EIPR1: variants seen among roughly 807,000 people sequenced by gnomAD.
The protein encoded by EIPR1 is EARP and GARP complex-interacting protein 1.
A neutral mutation model predicts 48.1 loss-of-function variants in EIPR1; 25 were observed. The ratio of observed to expected loss-of-function variants is 0.52; its 90% CI spans 0.38 to 0.73. The LOEUF (loss-of-function observed/expected upper bound fraction) is 0.73. EIPR1 is among the 30% of genes least tolerant of loss of function. The probability of loss-of-function intolerance (pLI) is 0.00; values close to 1 mark genes in which losing one functional copy is unlikely to be tolerated. For synonymous variants in EIPR1, 204 were observed against 201.9 expected (o/e 1.01, Z -0.09); for missense variants, 415 against 506.2 (o/e 0.82, Z 1.73).
intron 4 of EIPR1, among the ~76,000 whole-genome samples, chr2:3,245,398 G>A (rs1359078260): frequency 6.6e-6 from 1 of 151,952 alleles, no homozygotes; most frequent in Non-Finnish European, 1.5e-5. Flanking sequence ...TTTTTAGTAG[G>A]GACAGGATTT....
At chr2:3,308,072 G>A (rs906483806) in intron 3 of EIPR1, among the ~76,000 whole-genome samples, 3 of 152,296 alleles carry the variant, frequency 2.0e-5, no homozygotes, top group African/African-American at 4.8e-5. Flanking sequence ...GCTGGCCGAC[G>A]CTGTCGGCCG....
intron 4 of EIPR1, among the ~76,000 whole-genome samples, chr2:3,256,330 G>A (rs191508338): frequency 1.3e-4 from 20 of 152,090 alleles, no homozygotes; most frequent in Admixed American, 9.8e-4. Flanking sequence ...GGGCCACAGC[G>A]TACAGTTCGT....
At chr2:3,196,455 C>T (rs925154777) in intron 6 of EIPR1, among the ~76,000 whole-genome samples, 1 of 152,116 alleles carries the variant, frequency 6.6e-6, no homozygotes, top group African/African-American at 2.4e-5. Flanking sequence ...AATATGATTG[C>T]CCTATAGGTG....
chr2:3,211,738 C>T (rs950162114), intron 5 of EIPR1, among the ~76,000 whole-genome samples: 1 of 152,216 alleles, frequency 6.6e-6, no homozygotes, highest in African/African-American at 2.4e-5. Flanking sequence ...CCTGCGTGAA[C>T]AGAAGGCAGA....
intron 3 of EIPR1, among the ~76,000 whole-genome samples, chr2:3,300,003 G>T (rs1019652716): frequency 4.6e-5 from 7 of 152,150 alleles, no homozygotes; most frequent in Non-Finnish European, 1.0e-4. Flanking sequence ...CCCCAGTGAG[G>T]TATGCAGCCT....
At chr2:3,345,061 G>A (rs551070558) in intron 2 of EIPR1, among the ~76,000 whole-genome samples, 1 of 152,230 alleles carries the variant, frequency 6.6e-6, no homozygotes, top group Admixed American at 6.5e-5. Flanking sequence ...CATTCCAGAA[G>A]CTCCCTGTGC....
chr2:3,270,756 T>C (rs1167533853), intron 3 of EIPR1, among the ~76,000 whole-genome samples: 2 of 152,244 alleles, frequency 1.3e-5, no homozygotes, highest in African/African-American at 2.4e-5. Context: ...TTTGCCTTAA[T>C]GGCAAAACTG....
chr2:3,197,065 T>G (rs779501663), intron 5 of EIPR1, 48 bp from the exon 6 acceptor site: 2 of 1,606,092 alleles, frequency 1.2e-6, no homozygotes, highest in Non-Finnish European at 1.7e-6. Context: ...AGAAGAAGAA[T>G]GTGAAGTCTG....
chr2:3,330,221 A>C (rs972177152), intron 3 of EIPR1, among the ~76,000 whole-genome samples: 1 of 152,262 alleles, frequency 6.6e-6, no homozygotes, highest in Non-Finnish European at 1.5e-5. Flanking sequence ...TAAATGCAGG[A>C]GTTAGTTTCA....
chr2:3,299,199 G>C (rs1668687607), intron 3 of EIPR1, among the ~76,000 whole-genome samples: 1 of 152,258 alleles, frequency 6.6e-6, no homozygotes, highest in South Asian at 2.1e-4. Flanking sequence ...CGCTGTGTCT[G>C]TCTCTCCACA....
chr2:3,268,056 T>C (rs1572377165), intron 3 of EIPR1, among the ~76,000 whole-genome samples: 1 of 152,228 alleles, frequency 6.6e-6, no homozygotes, highest in East Asian at 1.9e-4. Flanking sequence ...GCCATGGTCC[T>C]GGAGTGGTTG....
At chr2:3,228,362 C>T (rs1320216791) in intron 4 of EIPR1, among the ~76,000 whole-genome samples, 2 of 152,186 alleles carry the variant, frequency 1.3e-5, no homozygotes, top group Non-Finnish European at 2.9e-5. Context: ...TTTGTTTTGG[C>T]CAATTTCTCC....
chr2:3,310,835 T>G (rs999224987), intron 3 of EIPR1, among the ~76,000 whole-genome samples: 10 of 152,114 alleles, frequency 6.6e-5, no homozygotes, highest in Non-Finnish European at 1.5e-4. Context: ...TAAACTTTGT[T>G]ACACTGATAA....
intron 4 of EIPR1, among the ~76,000 whole-genome samples, chr2:3,237,562 C>T (rs1006868601): frequency 6.6e-6 from 1 of 152,196 alleles, no homozygotes; most frequent in African/African-American, 2.4e-5. Flanking sequence ...TCAGCCGTTT[C>T]AGGGGTCCGC....
chr2:3,209,387 G>A (rs549946459), intron 5 of EIPR1, among the ~76,000 whole-genome samples: 6 of 152,338 alleles, frequency 3.9e-5, no homozygotes, highest in African/African-American at 1.4e-4. Flanking sequence ...AAGCAGCCCA[G>A]AAAAAACCAT....
chr2:3,231,666 T>C (rs1666247793), intron 4 of EIPR1, among the ~76,000 whole-genome samples: 1 of 152,226 alleles, frequency 6.6e-6, no homozygotes, highest in Non-Finnish European at 1.5e-5. Flanking sequence ...TGAAGCATCC[T>C]TGCATCTGAG....
Position 3,374,776 on chromosome 2 carries a change from T to C in EIPR1, c.42+2872A>G, listed in dbSNP as rs1355578082. Among the ~76,000 whole-genome samples the C allele has an allele frequency of 2.1e-5, 3 of 145,828 alleles. No individual in the cohort carries two copies. In the Admixed American group the frequency reaches 2.1e-4, roughly 10 times the overall value. On this transcript the variant is annotated intron_variant, in intron 1 of 8. Coordinates refer to ENST00000382125, the MANE Select transcript of EIPR1 (RefSeq NM_003310.5). ...GAGAAATAGGAACACTTTTACACTG[T>C]TGGTGGGACTGTAAACTAGTTCAAC...
rs919214393 is a variant in EIPR1 at position 3,312,103 on chromosome 2, T to C, written c.259+25914A>G. On this transcript the variant is annotated intron_variant, in intron 3 of 8. Coordinates refer to ENST00000382125, the MANE Select transcript of EIPR1 (RefSeq NM_003310.5). This position sits in a 1 kb window ranked among gnomAD's most constrained non-coding sequence, Gnocchi z 5.5. Reference sequence around the variant, plus strand: ...ACAACACACAGTTATCCCCTCTGTCTGATAACTGAAGTGCCTGAAGATGAG... The same window carrying C: ...ACAACACACAGTTATCCCCTCTGTCCGATAACTGAAGTGCCTGAAGATGAG... Among the ~76,000 whole-genome samples the C allele has an allele frequency of 6.6e-6, 1 of 152,176 alleles. No homozygotes were observed. Among genetic ancestry groups the C allele is most frequent in the Non-Finnish European group, 1.5e-5 (1 of 68,026 alleles).
chr2:3,367,838 G>C (rs1242030180), intron 1 of EIPR1, among the ~76,000 whole-genome samples: 2 of 152,116 alleles, frequency 1.3e-5, no homozygotes, highest in African/African-American at 4.8e-5. Flanking sequence ...CACAAGGTCA[G>C]GAGATCGAGA....
Sources: allele counts gnomAD v4.1 joint callset (sites outside exome capture counted in the v4.1 genomes callset), GRCh38; gene constraint gnomAD v4.1.1; non-coding constraint Gnocchi (gnomAD v3.1); transcripts MANE v1.5; gene names NCBI Gene and HGNC (gene_info 2026-07-23, HGNC 2026-07-21).